The following STK32B variants were observed in gnomAD, a reference collection of about 807,000 sequenced individuals.
The protein encoded by STK32B is serine/threonine kinase 32B, also known as serine/threonine-protein kinase 32B.
In STK32B, 43 loss-of-function variants were observed where a neutral mutation model predicts 52.6. The observed-to-expected ratio is 0.82, with a 90% CI of 0.64 to 1.05. The LOEUF is 1.05. Among genes scored for constraint, STK32B ranks in the 50% least tolerant of loss-of-function variants. The probability of loss-of-function intolerance (pLI) is 0.00; values close to 1 mark genes in which losing one functional copy is unlikely to be tolerated. For synonymous variants in STK32B, 238 were observed against 204.3 expected (o/e 1.17, Z -1.41); for missense variants, 621 against 534.6 (o/e 1.16, Z -1.59).
chr4:5,142,088 G>A (rs1157883852), intron 2 of STK32B, among the ~76,000 whole-genome samples: 1 of 152,198 alleles, frequency 6.6e-6, no homozygotes, highest in Non-Finnish European at 1.5e-5. Context: ...AAGGGCAGGA[G>A]GATAGTTTGG....
At chr4:5,189,322 C>T (rs1358940332) in intron 3 of STK32B, among the ~76,000 whole-genome samples, 1 of 152,200 alleles carries the variant, frequency 6.6e-6, no homozygotes, top group Non-Finnish European at 1.5e-5. Flanking sequence ...ATCCCTCGTT[C>T]CCCTCCACCC....
chr4:5,492,703 G>A (rs1447248228), intron 11 of STK32B, among the ~76,000 whole-genome samples: 1 of 151,132 alleles, frequency 6.6e-6, no homozygotes, highest in African/African-American at 2.5e-5. Flanking sequence ...TATGATATTG[G>A]CTGTGGGTTT....
rs1263110766 is a variant in STK32B, at chr4:5,378,149, TC to T, written c.435-20054del. On this transcript the variant is annotated intron_variant, in intron 4 of 11. Transcript: ENST00000282908. The surrounding 1 kb of genome is among the most constrained non-coding windows in gnomAD (Gnocchi z 4.4). Reference sequence around the variant, plus strand: ...AAGAACTGAAAAAGGAGTAACTGCCTCCCCGTCTGTCTGAGTGTTCATTCAT... The same window carrying T: ...AAGAACTGAAAAAGGAGTAACTGCCTCCCGTCTGTCTGAGTGTTCATTCAT... 1.3e-5 allele frequency among the ~76,000 whole-genome samples: 2 copies of T among 152,188 alleles called. No homozygotes were observed. Among genetic ancestry groups the T allele is most frequent in the African/African-American group, 4.8e-5 (2 of 41,454 alleles).
At chr4:5,426,950 A>C (rs1212968968) in intron 6 of STK32B, 2 of 152,202 alleles carry the variant, frequency 1.3e-5, no homozygotes, top group East Asian at 3.8e-4. Flanking sequence ...ACTTGTGATC[A>C]ATTAGTTATA....
intron 3 of STK32B, among the ~76,000 whole-genome samples, chr4:5,205,367 A>G (rs1722484205): frequency 6.6e-6 from 1 of 152,150 alleles, no homozygotes; most frequent in Admixed American, 6.5e-5. Context: ...AATCTCTTGT[A>G]TCTATGTATC....
At chr4:5,430,539 A>G (rs1713491046) in intron 6 of STK32B, among the ~76,000 whole-genome samples, 1 of 152,156 alleles carries the variant, frequency 6.6e-6, no homozygotes, top group Non-Finnish European at 1.5e-5. Flanking sequence ...CATCTAGTTC[A>G]TATCTGAGTA....
At chr4:5,317,245 T>TATATATAACATATAACATATATATA (rs1560313464) in intron 3 of STK32B, among the ~76,000 whole-genome samples, 15 of 35,308 alleles carry the variant, frequency 4.2e-4, no homozygotes, top group East Asian at 1.2e-3. Context: ...ATATATATAT[T>TATATATAACATATAACATATATATA]ATATATAACA....
chr4:5,369,456 C>T (rs1385582477), intron 4 of STK32B, among the ~76,000 whole-genome samples: 1 of 152,120 alleles, frequency 6.6e-6, no homozygotes, highest in Non-Finnish European at 1.5e-5. Context: ...AGAGGGCAGG[C>T]AGCAGGCTCA....
intron 3 of STK32B, among the ~76,000 whole-genome samples, chr4:5,187,351 G>A (rs1437686255): frequency 3.3e-5 from 5 of 152,200 alleles, no homozygotes; most frequent in Non-Finnish European, 7.3e-5. Flanking sequence ...TTCAGTAATA[G>A]TAGTACCAGT....
chr4:5,317,372 TTATA>T (rs1491456993), intron 3 of STK32B, among the ~76,000 whole-genome samples: 2 of 69,976 alleles, frequency 2.9e-5, no homozygotes, highest in African/African-American at 9.6e-5. Context: ...TGTATATGTA[TTATA>T]TATATTACAT....
intron 3 of STK32B, among the ~76,000 whole-genome samples, chr4:5,191,619 T>C (rs536119171): frequency 1.8e-4 from 27 of 152,278 alleles, no homozygotes; most frequent in African/African-American, 6.0e-4. Flanking sequence ...GGGTTTCTGC[T>C]GCTCAAACAT....
chr4:5,097,449 A>G (rs1713465433), intron 1 of STK32B, among the ~76,000 whole-genome samples: 1 of 152,212 alleles, frequency 6.6e-6, no homozygotes, highest in Non-Finnish European at 1.5e-5. Context: ...TACTGTTTCA[A>G]CAGAAATGTC....
At position 5,469,898 on chromosome 4, in the gene STK32B, T is replaced by G. The variant is rs1211823111; in HGVS notation, c.1106+1828T>G. Among the ~76,000 whole-genome samples, 1 of 152,168 alleles carries G rather than the reference T, an allele frequency of 6.6e-6. No individual in the cohort carries two copies. The highest frequency in any genetic ancestry group is 1.5e-5 in the Non-Finnish European group (1 of 68,018). On this transcript the variant is annotated intron_variant, in intron 11 of 11. Transcript: ENST00000282908. The surrounding 1 kb of genome is among the most constrained non-coding windows in gnomAD (Gnocchi z 4.7). ...GAGGCTCATGGCCCTTCCCCCAGAC[T>G]TAGAAACCCAGACCCAGGAACTTCT...
At position 5,183,199 on chromosome 4, in the gene STK32B, C is replaced by T. The variant is rs148375169; in HGVS notation, c.260+14749C>T. ...TGAAGCTTTAAAACCAGGCATTGGC[C>T]GGGCATGGTGGCTCACGCCTGTAAT... On this transcript the variant is annotated intron_variant, in intron 3 of 11. Transcript: ENST00000282908. Among the ~76,000 whole-genome samples the T allele has an allele frequency of 2.9e-3, 447 of 152,170 alleles. 5 individuals are homozygous for T. Among genetic ancestry groups the T allele is most frequent in the African/African-American group, 0.01 (418 of 41,534 alleles).
At chr4:5,033,164 C>T in the STK32B span, among the ~76,000 whole-genome samples, 4 of 152,180 alleles carry the variant, frequency 2.6e-5, no homozygotes, top group Non-Finnish European at 1.5e-5. Flanking sequence ...CCAGGGTCAG[C>T]GGCCTCATGG....
At position 5,374,965 on chromosome 4, in the gene STK32B, A is replaced by G. The variant is rs184004746; in HGVS notation, c.435-23242A>G. 2.8e-4 allele frequency among the ~76,000 whole-genome samples: 42 copies of G among 152,336 alleles called. 1 individual carries two copies. The East Asian group carries it at 6.6e-3, about 24-fold the overall frequency. On this transcript the variant is annotated intron_variant, in intron 4 of 11. Transcript: ENST00000282908. ...AAAGTTAAGGAGATACTAGAGTCCA[A>G]TTGAGACTCCTCTTTGAGGTAATTA...
intron 3 of STK32B, among the ~76,000 whole-genome samples, chr4:5,274,568 T>A (rs538539821): frequency 6.6e-6 from 1 of 152,138 alleles, no homozygotes; most frequent in South Asian, 2.1e-4. Flanking sequence ...AAATGCTAAT[T>A]AGGCAAAAAC....
intron 6 of STK32B, among the ~76,000 whole-genome samples, chr4:5,433,171 A>T (rs1713740902): frequency 6.6e-6 from 1 of 152,188 alleles, no homozygotes; most frequent in Non-Finnish European, 1.5e-5. Context: ...AGAGTAGAGG[A>T]TAGAAAGGAG....
chr4:5,042,188 T>C, the STK32B span, among the ~76,000 whole-genome samples: 2 of 152,218 alleles, frequency 1.3e-5, no homozygotes, highest in African/African-American at 4.8e-5. Context: ...GTGCCTACAT[T>C]TGGGATTTGA....
Sources: allele counts gnomAD v4.1 joint callset (sites outside exome capture counted in the v4.1 genomes callset), GRCh38; gene constraint gnomAD v4.1.1; non-coding constraint Gnocchi (gnomAD v3.1); transcripts MANE v1.5; gene names NCBI Gene and HGNC (gene_info 2026-07-23, HGNC 2026-07-21).